Variants in GPHN observed in about 807,000 individuals in gnomAD.
GPHN encodes the protein gephyrin.
In GPHN, 17 loss-of-function variants were observed where a neutral mutation model predicts 95.5. The ratio of observed to expected loss-of-function variants is 0.18; its 90% CI spans 0.12 to 0.27. The LOEUF (loss-of-function observed/expected upper bound fraction) is 0.27. Among genes scored for constraint, GPHN ranks in the 10% least tolerant of loss-of-function variants. GPHN has a pLI of 1.00. For missense variants in GPHN, 660 were observed against 978.1 expected (o/e 0.67, Z 4.34); for synonymous variants, 320 against 322.5 (o/e 0.99, Z 0.08).
chr14:67,170,806 C>T (rs2082556732), intron 21 of GPHN, among the ~76,000 whole-genome samples: 1 of 152,212 alleles, frequency 6.6e-6, no homozygotes, highest in East Asian at 1.9e-4. Context: ...CACATCAGTA[C>T]TGACACAACT....
chr14:66,965,318 C>T lies in GPHN; in HGVS notation c.956C>T (p.Thr319Ile). ...TSRLSTASCP[T>I]PKVQSRCSSK... ...CGCCTCTCTACAGCTTCCTGCCCAA[C>T]ACCAAAAGTAAGTATGGTTCCTTCG... The change falls in exon 9 of 23, where the codon ACA (threonine) becomes ATA (isoleucine). Residue 319 changes from threonine to isoleucine, a missense_variant. Physicochemically the swap from Thr to Ile is moderately conservative, Grantham distance 89. Coordinates refer to ENST00000478722, the MANE Select transcript of GPHN (RefSeq NM_020806.5). 1 of 1,613,712 alleles carries T rather than the reference C, an allele frequency of 6.2e-7. No homozygotes were observed. Among genetic ancestry groups the T allele is most frequent in the Non-Finnish European group, 8.5e-7 (1 of 1,179,668 alleles).
chr14:67,311,327 A>AAAAGCC, the GPHN span, among the ~76,000 whole-genome samples: 1 of 152,006 alleles, frequency 6.6e-6, no homozygotes, highest in Admixed American at 6.6e-5. Flanking sequence ...AAAAAAAAAA[A>AAAAGCC]AAAGCCAAAG....
chr14:66,708,517 T>C (rs183271224), intron 2 of GPHN, among the ~76,000 whole-genome samples: 46 of 152,306 alleles, frequency 3.0e-4, no homozygotes, highest in Admixed American at 3.3e-4. Flanking sequence ...CCAACCATTT[T>C]CTGGACATGA....
chr14:67,027,798 A>C (rs764925889), intron 10 of GPHN, among the ~76,000 whole-genome samples: 2 of 152,200 alleles, frequency 1.3e-5, no homozygotes, highest in Non-Finnish European at 2.9e-5. Context: ...ATATCTTGAT[A>C]CATGCATAGA....
chr14:66,576,378 A>G (rs2140415978), intron 1 of GPHN, among the ~76,000 whole-genome samples: 1 of 151,956 alleles, frequency 6.6e-6, no homozygotes, highest in Admixed American at 6.6e-5. Context: ...GGGAAAGAGT[A>G]TGGCATAATG....
At chr14:67,672,472 G>C in the GPHN span, among the ~76,000 whole-genome samples, 1 of 124,818 alleles carries the variant, frequency 8.0e-6, no homozygotes, top group Admixed American at 9.2e-5. Context: ...TTGATACAGA[G>C]TCTTGATCTG....
intron 4 of GPHN, among the ~76,000 whole-genome samples, chr14:66,840,776 C>G (rs563996200): frequency 6.7e-6 from 1 of 149,924 alleles, no homozygotes; most frequent in Non-Finnish European, 1.5e-5. Context: ...CAGGATTTGG[C>G]CCTTGGGCTG....
intron 1 of GPHN, among the ~76,000 whole-genome samples, chr14:66,554,462 T>C (rs746201142): frequency 7.9e-5 from 12 of 152,178 alleles, no homozygotes; most frequent in African/African-American, 2.7e-4. Context: ...AGGAAACTTA[T>C]AATCGTGGCG....
At chr14:66,944,426 G>A (rs991205611) in intron 8 of GPHN, among the ~76,000 whole-genome samples, 1 of 152,214 alleles carries the variant, frequency 6.6e-6, no homozygotes, top group Non-Finnish European at 1.5e-5. Context: ...ATGGAGGCCT[G>A]CAGCAAAGTT....
At chr14:66,599,392 A>AT (rs765267813) in intron 1 of GPHN, among the ~76,000 whole-genome samples, 941 of 76,492 alleles carry the variant, frequency 0.012, 21 homozygotes, top group East Asian at 0.049. Context: ...TTTTTTTTGC[A>AT]TTTTTTTTTT....
At chr14:66,737,964 C>G (rs1408781462) in intron 2 of GPHN, among the ~76,000 whole-genome samples, 1 of 152,218 alleles carries the variant, frequency 6.6e-6, no homozygotes, top group African/African-American at 2.4e-5. Context: ...CACTTTAGAA[C>G]TCTTCTCTGA....
chr14:66,869,074 A>C (rs2063334821), intron 4 of GPHN, among the ~76,000 whole-genome samples: 1 of 152,220 alleles, frequency 6.6e-6, no homozygotes, highest in Non-Finnish European at 1.5e-5. Flanking sequence ...TAAGACTATA[A>C]ATTTCTACCA....
chr14:67,156,266 T>C (rs902726948), intron 18 of GPHN, among the ~76,000 whole-genome samples: 8 of 152,074 alleles, frequency 5.3e-5, no homozygotes, highest in African/African-American at 1.9e-4. Flanking sequence ...CAACATAGTA[T>C]ATGTAGAAAA....
At chr14:67,307,119 G>T in the GPHN span, among the ~76,000 whole-genome samples, 1 of 152,160 alleles carries the variant, frequency 6.6e-6, no homozygotes, top group Non-Finnish European at 1.5e-5. Context: ...GCAATCAGTG[G>T]CTGCTCTTTC....
At chr14:67,452,657 A>G in the GPHN span, among the ~76,000 whole-genome samples, 1 of 152,122 alleles carries the variant, frequency 6.6e-6, no homozygotes, top group African/African-American at 2.4e-5. Flanking sequence ...CAAAGAGGAG[A>G]GCCAGGCCAT....
the GPHN span, among the ~76,000 whole-genome samples, chr14:67,444,927 T>C: frequency 6.6e-6 from 1 of 152,096 alleles, no homozygotes; most frequent in Non-Finnish European, 1.5e-5. Flanking sequence ...GCCTGGCTAA[T>C]GTGTGTATTT....
At chr14:67,173,974 A>G (rs1222372156) in intron 21 of GPHN, among the ~76,000 whole-genome samples, 1 of 152,344 alleles carries the variant, frequency 6.6e-6, no homozygotes, top group African/African-American at 2.4e-5. Flanking sequence ...GAACTTGAAG[A>G]TAGGTCATTT....
rs541639015 is a variant in GPHN at position 66,564,497 on chromosome 14, C to T, written c.64+55906C>T. Among the ~76,000 whole-genome samples the T allele has an allele frequency of 1.6e-4, 25 of 152,214 alleles. 1 individual carries two copies. In the South Asian group the frequency reaches 5.2e-3, roughly 32 times the overall value. ...GGGTCTTGGGTAATGCTAATATAGT[C>T]ATCCCTTTTATTTAAGTAGGGCCTG... is the stretch of plus-strand genomic sequence containing the variant. On this transcript the variant is annotated intron_variant, in intron 1 of 22. Coordinates refer to ENST00000478722, the MANE Select transcript of GPHN (RefSeq NM_020806.5).
chr14:67,674,411 C>G, the GPHN span: 1 of 1,607,356 alleles, frequency 6.2e-7, no homozygotes, highest in East Asian at 2.2e-5. Context: ...TCGGGCACCC[C>G]TTGTAGGTCT....
Sources: gnomAD v4.1 joint callset for allele counts (sites outside exome capture counted in the v4.1 genomes callset) on GRCh38, gnomAD v4.1.1 for gene constraint, MANE v1.5 for transcripts, NCBI Gene and HGNC (gene_info 2026-07-23, HGNC 2026-07-21) for gene names.